PCOLCE: variants seen among roughly 807,000 people sequenced by gnomAD.
PCOLCE encodes the protein procollagen C-endopeptidase enhancer 1.
In PCOLCE, 33 loss-of-function variants were observed where a neutral mutation model predicts 47.2. The observed-to-expected ratio is 0.70, with a 90% CI of 0.53 to 0.93. The LOEUF (loss-of-function observed/expected upper bound fraction) is 0.93, where lower values mean the gene tolerates loss of function less well. Among genes scored for constraint, PCOLCE ranks in the 40% least tolerant of loss-of-function variants. PCOLCE has a pLI of 0.00. For missense variants in PCOLCE, 584 were observed against 585.3 expected (o/e 1.00, Z 0.02); for synonymous variants, 254 against 252.5 (o/e 1.01, Z -0.06).
rs1032139289 is a variant in PCOLCE at position 100,604,762 on chromosome 7, G to A, written c.464-329G>A. ...CCTCTCCAGCCTGAAAGGGGACTCTGCTGCAGGGCCGGGGAGATGGGATCT... is the reference window on the plus strand; with the variant it reads ...CCTCTCCAGCCTGAAAGGGGACTCTACTGCAGGGCCGGGGAGATGGGATCT... On this transcript the variant is annotated intron_variant, in intron 3 of 8. Transcript: ENST00000223061. The surrounding 1 kb of genome is among the most constrained non-coding windows in gnomAD (Gnocchi z 6.4). 2.7e-6 allele frequency: 1 copy of A among 375,402 alleles called. No homozygotes were observed. The allele number at this position is 375,402 out of a possible 1,614,324, so 23.3% of individuals were successfully genotyped here.
rs1322207242 is a variant in PCOLCE at position 100,605,167 on chromosome 7, C to T, written c.540C>T (p.Tyr180=). ...LTTPNWPESD[Y]PPGISCSWHI... Reference sequence around the variant, plus strand: ...CGCCCAACTGGCCCGAGTCCGATTACCCCCCGGGCATCAGCTGTTCCTGGC... The same window carrying T: ...CGCCCAACTGGCCCGAGTCCGATTATCCCCCGGGCATCAGCTGTTCCTGGC... The change falls in exon 4 of 9, where the codon TAC becomes TAT. Residue 180 remains tyrosine, a synonymous_variant. Coordinates refer to ENST00000223061, the MANE Select transcript of PCOLCE (RefSeq NM_002593.4). The surrounding 1 kb of genome is among the most constrained non-coding windows in gnomAD (Gnocchi z 6.1). The T allele has an allele frequency of 1.2e-6, 2 of 1,612,168 alleles. No individual in the cohort carries two copies. The highest frequency in any genetic ancestry group is 1.7e-6 in the Non-Finnish European group (2 of 1,178,918).
rs1005624307 is a variant in PCOLCE at position 100,607,426 on chromosome 7, TCACCCTC to T, written c.941-17_941-11del. The T allele has an allele frequency of 2.8e-5, 44 of 1,597,622 alleles. No individual in the cohort carries two copies. The highest frequency in any genetic ancestry group is 5.0e-5 in the Admixed American group (3 of 59,782). On this transcript the variant is annotated intron_variant, in intron 6 of 8. Coordinates refer to ENST00000223061, the MANE Select transcript of PCOLCE (RefSeq NM_002593.4). The stretch of plus-strand genomic sequence containing the variant: ...TGCTCCCTCCTACCTGCTGAGCAGG[TCACCCTC>T]CACCCTCCTCCCTCCTAGATGCACC...
At chr7:100,607,554 C>T in intron 7 of PCOLCE, 31 bp downstream of exon 7, 2 of 1,611,564 alleles carry the variant, frequency 1.2e-6, no homozygotes, top group Non-Finnish European at 1.7e-6. Flanking sequence ...ATTCCAGCTC[C>T]TCGAACCACC....
rs751515996 is a variant in PCOLCE, at chr7:100,604,059, G to A, written c.305G>A (p.Gly102Glu). 12 of 1,608,762 alleles carry A rather than the reference G, an allele frequency of 7.5e-6. No individual in the cohort carries two copies. In the South Asian group the frequency reaches 1.3e-4, roughly 18 times the overall value. ...YDALEVFAGS[G>E]TSGQRLGRFC... ...GCTCTGGAGGTCTTCGCTGGGTCTGGGACTTCCGGCCAGCGGCTCGGACGC... is the reference window on the plus strand; with the variant it reads ...GCTCTGGAGGTCTTCGCTGGGTCTGAGACTTCCGGCCAGCGGCTCGGACGC... The change falls in exon 3 of 9, where the codon GGG (glycine) becomes GAG (glutamate). Residue 102 changes from glycine to glutamate, a missense_variant. Gly to Glu is a moderately conservative substitution (Grantham distance 98, BLOSUM62 -2). Coordinates refer to ENST00000223061, the MANE Select transcript of PCOLCE (RefSeq NM_002593.4). The surrounding 1 kb of genome is among the most constrained non-coding windows in gnomAD (Gnocchi z 6.4).
intron 1 of PCOLCE, chr7:100,602,902 G>A (rs1461760898): frequency 2.8e-6 from 1 of 353,492 alleles, no homozygotes; most frequent in Non-Finnish European, 5.2e-6. Context: ...GGGAGGAGGG[G>A]GCAGTGAGTG....
Position 100,604,227 on chromosome 7 carries a change from CCCTCACCTCCGCCTT to C in PCOLCE, c.463+13_463+27del. 2.5e-6 allele frequency: 4 copies of C among 1,603,588 alleles called. No individual in the cohort carries two copies. The South Asian group carries it at 4.4e-5, about 18-fold the overall frequency. Reference sequence around the variant, plus strand: ...GCCACCTCGGGCACTGGTGAGAACTCCCTCACCTCCGCCTTCCCCCCCTCCAGGCCCCGCCCCGGC... The same window carrying C: ...GCCACCTCGGGCACTGGTGAGAACTCCCCCCCCTCCAGGCCCCGCCCCGGC... On this transcript the variant is annotated intron_variant, in intron 3 of 8. Coordinates refer to ENST00000223061, the MANE Select transcript of PCOLCE (RefSeq NM_002593.4). This position sits in a 1 kb window ranked among gnomAD's most constrained non-coding sequence, Gnocchi z 6.4.
rs556332455 is a variant in PCOLCE, at chr7:100,602,830, G to C, written c.95+279G>C. The C allele has an allele frequency of 2.2e-3, 1,106 of 500,476 alleles. 30 individuals are homozygous for C. In the South Asian group the frequency reaches 0.03, roughly 13 times the overall value. The allele number at this position is 500,476 out of a possible 1,614,324, so 31.0% of individuals were successfully genotyped here. ...GACCCCCCATAGAACCCAAGAGAGA[G>C]CCAAGCTCCTGAACTTGCCTGGTAG... is the stretch of plus-strand genomic sequence containing the variant. On this transcript the variant is annotated intron_variant, in intron 1 of 8. Coordinates refer to ENST00000223061, the MANE Select transcript of PCOLCE (RefSeq NM_002593.4).
Position 100,605,953 on chromosome 7 carries a change from C to T in PCOLCE, c.725+141C>T, listed in dbSNP as rs1292992799. The stretch of plus-strand genomic sequence containing the variant: ...CCGGCGAGGGGAGCAGGTTGGAGGC[C>T]AGGCAAAGAGGAGATTTGGCCCCGG... On this transcript the variant is annotated intron_variant, in intron 5 of 8. Transcript: ENST00000223061. The surrounding 1 kb of genome is among the most constrained non-coding windows in gnomAD (Gnocchi z 6.1). 9 of 982,082 alleles carry T rather than the reference C, an allele frequency of 9.2e-6. No individual in the cohort carries two copies. Among genetic ancestry groups the T allele is most frequent in the Non-Finnish European group, 1.3e-5 (9 of 680,782 alleles). The allele number at this position is 982,082 out of a possible 1,614,324, so 60.8% of individuals were successfully genotyped here.
Position 100,603,919 on chromosome 7 carries a change from G to C in PCOLCE, c.205-40G>C, listed in dbSNP as rs774985215. 8.1e-5 allele frequency: 129 copies of C among 1,590,302 alleles called. No homozygotes were observed. The African/African-American group carries it at 1.4e-3, about 18-fold the overall frequency. On this transcript the variant is annotated intron_variant, in intron 2 of 8. Coordinates refer to ENST00000223061, the MANE Select transcript of PCOLCE (RefSeq NM_002593.4). The stretch of plus-strand genomic sequence containing the variant: ...CTGCCCTCTGGCTGGGTTGTGTGGG[G>C]CCTGACTCTGTGGGTCCCCGCCTCT...
Position 100,608,168 on chromosome 7 carries a change from A to G in PCOLCE, c.*65A>G. ...TTCTTATCCAAATAAATGTTTCTTA[A>G]TGAGGAATGGGTCAGATCTCCATGC... is the stretch of plus-strand genomic sequence containing the variant. On this transcript the variant is annotated 3_prime_UTR_variant, in exon 9 of 9. Coordinates refer to ENST00000223061, the MANE Select transcript of PCOLCE (RefSeq NM_002593.4). The G allele has an allele frequency of 7.3e-7, 1 of 1,378,952 alleles. No individual in the cohort carries two copies. Among genetic ancestry groups the G allele is most frequent in the Non-Finnish European group, 1.0e-6 (1 of 984,974 alleles). 85.4% of individuals were successfully genotyped at this position (1,378,952 alleles called of 1,614,324 possible). A position where few individuals can be genotyped will look rare whatever the true frequency, so the allele number is the denominator to read the frequency against.
chr7:100,607,818 T>C lies in PCOLCE; in HGVS notation c.1183+11T>C, dbSNP rs370344955. 15 of 1,613,834 alleles carry C rather than the reference T, an allele frequency of 9.3e-6. No homozygotes were observed. The African/African-American group carries it at 1.2e-4, about 13-fold the overall frequency. On this transcript the variant is annotated intron_variant, in intron 8 of 8. Transcript: ENST00000223061. ...CCCCCATGAAGAAAGGTAACAGAGATGTGGGGAAATGGGGATGGGTCAAGC... is the reference window on the plus strand; with the variant it reads ...CCCCCATGAAGAAAGGTAACAGAGACGTGGGGAAATGGGGATGGGTCAAGC...
In PCOLCE at chr7:100,608,058, G is replaced by A. The variant is rs1200401153; in HGVS notation, c.1305G>A (p.Arg435=). ...AGATCCTCACCAACCTAAGCAAGAGGAAGTGCCCCTCTCAACCTGTGCGGG... is the reference window on the plus strand; with the variant it reads ...AGATCCTCACCAACCTAAGCAAGAGAAAGTGCCCCTCTCAACCTGTGCGGG... The part of the protein sequence containing the change: ...QDQILTNLSK[R]KCPSQPVRAA... The change falls in exon 9 of 9, where the codon AGG becomes AGA. Residue 435 remains arginine, a synonymous_variant. Coordinates refer to ENST00000223061, the MANE Select transcript of PCOLCE (RefSeq NM_002593.4). 2 of 1,613,882 alleles carry A rather than the reference G, an allele frequency of 1.2e-6. No homozygotes were observed. Among genetic ancestry groups the A allele is most frequent in the African/African-American group, 2.7e-5 (2 of 74,938 alleles).
In PCOLCE at chr7:100,605,081, C is replaced by G; in HGVS notation, c.464-10C>G. 6.2e-7 allele frequency: 1 copy of G among 1,606,260 alleles called. No homozygotes were observed. The highest frequency in any genetic ancestry group is 8.5e-7 in the Non-Finnish European group (1 of 1,174,794). On this transcript the variant is annotated splice_polypyrimidine_tract_variant and intron_variant, in intron 3 of 8. Transcript: ENST00000223061. The surrounding 1 kb of genome is among the most constrained non-coding windows in gnomAD (Gnocchi z 6.1). ...CGCCCCCCACCCCCGCTCCTCTCTC[C>G]CCTCCCCAGAGCACCAATTTTGCGG...
chr7:100,603,410 A>G lies in PCOLCE; in HGVS notation c.96-20A>G. The G allele has an allele frequency of 7.9e-7, 1 of 1,263,242 alleles. No homozygotes were observed. The highest frequency in any genetic ancestry group is 1.1e-6 in the Non-Finnish European group (1 of 880,406). 78.3% of individuals were successfully genotyped at this position (1,263,242 alleles called of 1,614,324 possible). A position where few individuals can be genotyped will look rare whatever the true frequency, so the allele number is the denominator to read the frequency against. Reference sequence around the variant, plus strand: ...TCCCACCCGTCCCTGCTCTTTCCTGACCCCTTTTCTGTTCTCCAGACCCGT... The same window carrying G: ...TCCCACCCGTCCCTGCTCTTTCCTGGCCCCTTTTCTGTTCTCCAGACCCGT... On this transcript the variant is annotated intron_variant, in intron 1 of 8. Transcript: ENST00000223061.
At chr7:100,606,135 C>T (rs1184021665) in intron 5 of PCOLCE, 2 of 530,406 alleles carry the variant, frequency 3.8e-6, no homozygotes, top group Non-Finnish European at 6.7e-6. Flanking sequence ...TCGAGACCAG[C>T]CTGGGCAACA....
Position 100,602,427 on chromosome 7 carries a change from TGAG to T in PCOLCE, c.-27_-25del, listed in dbSNP as rs1802625300. The stretch of plus-strand genomic sequence containing the variant: ...CAAAATTCAGCTGCTGCCTCTGTCT[TGAG>T]GACCCCAGCGCCTTTCCCCCGGGGC... On this transcript the variant is annotated 5_prime_UTR_variant, in exon 1 of 9. Coordinates refer to ENST00000223061, the MANE Select transcript of PCOLCE (RefSeq NM_002593.4). 2.1e-6 allele frequency: 3 copies of T among 1,455,766 alleles called. No homozygotes were observed. Among genetic ancestry groups the T allele is most frequent in the Non-Finnish European group, 2.9e-6 (3 of 1,038,684 alleles). The allele number at this position is 1,455,766 out of a possible 1,614,324, so 90.2% of individuals were successfully genotyped here.
Position 100,605,684 on chromosome 7 carries a change from G to T in PCOLCE, c.597G>T (p.Ala199=), listed in dbSNP as rs370281436. The part of the protein sequence containing the change: ...HIIAPPDQVI[A]LTFEKFDLEP... ...CCTCCGCCCGCCGCCAGGTCATCGCGCTGACCTTCGAGAAGTTTGACCTGG... is the reference window on the plus strand; with the variant it reads ...CCTCCGCCCGCCGCCAGGTCATCGCTCTGACCTTCGAGAAGTTTGACCTGG... The change falls in exon 5 of 9, where the codon GCG becomes GCT. Residue 199 remains alanine, a synonymous_variant. Transcript: ENST00000223061. The surrounding 1 kb of genome is among the most constrained non-coding windows in gnomAD (Gnocchi z 6.1). 6.3e-7 allele frequency: 1 copy of T among 1,581,804 alleles called. No individual in the cohort carries two copies. Among genetic ancestry groups the T allele is most frequent in the Non-Finnish European group, 8.6e-7 (1 of 1,164,298 alleles).
intron 6 of PCOLCE, among the ~76,000 whole-genome samples, chr7:100,606,853 G>T (rs1584442237): frequency 6.6e-6 from 1 of 152,294 alleles, no homozygotes; most frequent in Non-Finnish European, 1.5e-5. Context: ...CACTTTGGGA[G>T]GCCAAGGCAG....
In PCOLCE at chr7:100,604,429, G is replaced by C. The variant is rs547105119; in HGVS notation, c.463+212G>C. 2.4e-3 allele frequency: 1,498 copies of C among 624,140 alleles called. 13 individuals are homozygous for C. Among genetic ancestry groups the C allele is most frequent in the East Asian group, 0.018 (658 of 35,596 alleles). The allele number at this position is 624,140 out of a possible 1,614,324, so 38.7% of individuals were successfully genotyped here. A position where few individuals can be genotyped will look rare whatever the true frequency, so the allele number is the denominator to read the frequency against. On this transcript the variant is annotated intron_variant, in intron 3 of 8. Transcript: ENST00000223061. The surrounding 1 kb of genome is among the most constrained non-coding windows in gnomAD (Gnocchi z 6.4). ...CGCACCCACCCATCCCTCTTCCAGG[G>C]CCCCCCCCAGGCGCGAGGCGGAAAT...
Sources: allele counts gnomAD v4.1 joint callset (sites outside exome capture counted in the v4.1 genomes callset), GRCh38; gene constraint gnomAD v4.1.1; non-coding constraint Gnocchi (gnomAD v3.1); transcripts MANE v1.5; gene names NCBI Gene and HGNC (gene_info 2026-07-23, HGNC 2026-07-21).